GFRA2: variants seen among roughly 807,000 people sequenced by gnomAD.
The protein encoded by GFRA2 is GDNF family receptor alpha 2, also known as GDNF family receptor alpha-2.
A neutral mutation model predicts 48.3 loss-of-function variants in GFRA2; 17 were observed. The ratio of observed to expected loss-of-function variants is 0.35; its 90% CI spans 0.24 to 0.53. GFRA2 has a LOEUF of 0.53. GFRA2 is among the 20% of genes least tolerant of loss of function. The pLI is 0.93. For synonymous variants in GFRA2, 305 were observed against 257.2 expected, an observed-to-expected ratio of 1.19 and a Z score of -1.78; for missense variants, 660 against 637.3, an observed-to-expected ratio of 1.04 and a Z score of -0.38.
rs1431609166 is a variant in GFRA2, at chr8:21,784,725, C to T, written c.41-1826G>A. Among the ~76,000 whole-genome samples the T allele has an allele frequency of 2.4e-4, 37 of 152,330 alleles. No homozygotes were observed. The East Asian group carries it at 6.7e-3, about 28-fold the overall frequency. On this transcript the variant is annotated intron_variant, in intron 1 of 8. Transcript: ENST00000524240. ...CGTGCCCTTCTCCCACTGACCAGAC[C>T]TCTGCCACAGAACAGGAAGGCTGAT...
At chr8:21,799,837 C>T (rs1807741091) in intron 2 of GFRA2, among the ~76,000 whole-genome samples, 1 of 152,180 alleles carries the variant, frequency 6.6e-6, no homozygotes, top group Admixed American at 6.5e-5. Flanking sequence ...AACAAGAAGC[C>T]TGTGTCCTCT....
At chr8:21,765,502 C>T (rs1416792965) in intron 3 of GFRA2, among the ~76,000 whole-genome samples, 1 of 151,980 alleles carries the variant, frequency 6.6e-6, no homozygotes, top group Non-Finnish European at 1.5e-5. Context: ...GTCTCAGCTG[C>T]CTTTGCTAGC....
intron 6 of GFRA2, 97 bp from the exon 7 acceptor site, chr8:21,703,074 C>T: frequency 1.3e-6 from 1 of 747,024 alleles, no homozygotes; most frequent in Non-Finnish European, 2.1e-6. Context: ...CACCCCCTTC[C>T]CTGGAATGGT....
chr8:21,783,083 G>A lies in GFRA2; in HGVS notation c.41-184C>T, dbSNP rs938327811. Reference sequence around the variant, plus strand: ...GAGAACTCAGGCATCATCCTCCCCTGGATGTAGGAGCAAGTTTTCTCCCTT... The same window carrying A: ...GAGAACTCAGGCATCATCCTCCCCTAGATGTAGGAGCAAGTTTTCTCCCTT... On this transcript the variant is annotated intron_variant, in intron 1 of 8. Coordinates refer to ENST00000524240, the MANE Select transcript of GFRA2 (RefSeq NM_001495.5). The A allele has an allele frequency of 1.1e-3, 769 of 709,604 alleles. 7 individuals carry two copies. The East Asian group carries it at 0.018, about 17-fold the overall frequency. 44.0% of individuals were successfully genotyped at this position (709,604 alleles called of 1,614,324 possible).
intron 4 of GFRA2, among the ~76,000 whole-genome samples, chr8:21,710,178 G>A (rs996229114): frequency 3.1e-4 from 47 of 152,186 alleles, no homozygotes; most frequent in Admixed American, 2.6e-4. Context: ...ATGTCTCTGG[G>A]GCTGTGTCCC....
At chr8:21,793,655 A>G (rs1230330652), upstream of GFRA2, among the ~76,000 whole-genome samples, 1 of 152,144 alleles carries the variant, frequency 6.6e-6, no homozygotes, top group Non-Finnish European at 1.5e-5. Context: ...CAACTGCCCA[A>G]GGTCATATTT....
intron 4 of GFRA2, among the ~76,000 whole-genome samples, chr8:21,724,872 C>G (rs1428388793): frequency 6.6e-6 from 1 of 152,166 alleles, no homozygotes; most frequent in African/African-American, 2.4e-5. Context: ...TGGTGGAGGT[C>G]TCTCTGGGAC....
chr8:21,691,562 T>C lies in GFRA2; in HGVS notation c.*1716A>G, dbSNP rs1293034743. The C allele has an allele frequency of 2.6e-5, 4 of 152,326 alleles. No individual in the cohort carries two copies. Among genetic ancestry groups the C allele is most frequent in the East Asian group, 3.9e-4 (2 of 5,184 alleles). The allele number at this position is 152,326 out of a possible 1,614,324, so 9.4% of individuals were successfully genotyped here. On this transcript the variant is annotated 3_prime_UTR_variant, in exon 9 of 9. Transcript: ENST00000524240. ...AGGTCACTGCACTCACAATCACACA[T>C]CTCAAATAAGCCAGGAGTCCCAGAG...
At chr8:21,709,664 C>T (rs994463584) in intron 4 of GFRA2, among the ~76,000 whole-genome samples, 1 of 152,132 alleles carries the variant, frequency 6.6e-6, no homozygotes, top group Non-Finnish European at 1.5e-5. Flanking sequence ...ACACTGCCCA[C>T]CACAGCAGAC....
chr8:21,787,405 C>T (rs897063704), intron 1 of GFRA2, among the ~76,000 whole-genome samples: 25 of 152,214 alleles, frequency 1.6e-4, no homozygotes, highest in Non-Finnish European at 2.8e-4. Flanking sequence ...CACGGGGGTC[C>T]GCGGCCCCCA....
Position 21,693,009 on chromosome 8 carries a change from T to C in GFRA2, c.*269A>G, listed in dbSNP as rs548831465. 1.2e-4 allele frequency: 34 copies of C among 289,578 alleles called. 1 individual carries two copies. In the East Asian group the frequency reaches 2.6e-3, roughly 22 times the overall value. The allele number at this position is 289,578 out of a possible 1,614,324, so 17.9% of individuals were successfully genotyped here. A position where few individuals can be genotyped will look rare whatever the true frequency, so the allele number is the denominator to read the frequency against. On this transcript the variant is annotated 3_prime_UTR_variant, in exon 9 of 9. Transcript: ENST00000524240. Reference sequence around the variant, plus strand: ...AAACACCAGGAGAAAGTGAAGGGCATTTCTAGAGCCTCGTGCCCTCCCCGG... The same window carrying C: ...AAACACCAGGAGAAAGTGAAGGGCACTTCTAGAGCCTCGTGCCCTCCCCGG...
chr8:21,724,153 C>G (rs1803740612), intron 4 of GFRA2, among the ~76,000 whole-genome samples: 1 of 152,120 alleles, frequency 6.6e-6, no homozygotes, highest in South Asian at 2.1e-4. Flanking sequence ...AGGGAACAAT[C>G]CTCCACTTCC....
chr8:21,799,300 C>G (rs971035940), intron 2 of GFRA2, among the ~76,000 whole-genome samples: 1 of 151,560 alleles, frequency 6.6e-6, no homozygotes, highest in East Asian at 1.9e-4. Flanking sequence ...TCACTGTAAG[C>G]TCCGCCTCCT....
intron 2 of GFRA2, among the ~76,000 whole-genome samples, chr8:21,802,298 C>A (rs984825726): frequency 6.6e-6 from 1 of 152,186 alleles, no homozygotes; most frequent in East Asian, 1.9e-4. Context: ...ACTCCACCAG[C>A]CTTAAAGCAC....
intron 5 of GFRA2, 69 bp downstream of exon 5, chr8:21,705,863 G>T: frequency 9.4e-7 from 1 of 1,058,278 alleles, no homozygotes; most frequent in Non-Finnish European, 1.4e-6. Context: ...GAGCTGGGCT[G>T]CGGCCCCTGC....
intron 4 of GFRA2, among the ~76,000 whole-genome samples, chr8:21,708,835 C>T (rs531705829): frequency 6.6e-6 from 1 of 152,352 alleles, no homozygotes; most frequent in African/African-American, 2.4e-5. Flanking sequence ...GCCCTGCCAA[C>T]ACCTTGATTT....
At chr8:21,758,946 G>A (rs73669547) in intron 3 of GFRA2, among the ~76,000 whole-genome samples, 41 of 152,214 alleles carry the variant, frequency 2.7e-4, no homozygotes, top group South Asian at 1.7e-3. Context: ...GAGCAGAACC[G>A]GAGTCCCTGC....
upstream of GFRA2, chr8:21,789,939 C>T (rs959096240): frequency 2.6e-6 from 1 of 379,996 alleles, no homozygotes; most frequent in Non-Finnish European, 3.6e-6. Flanking sequence ...GCCGGGGCTC[C>T]GCAGCCGGCT....
intron 4 of GFRA2, among the ~76,000 whole-genome samples, chr8:21,733,681 C>A (rs1804310257): frequency 6.6e-6 from 1 of 152,328 alleles, no homozygotes; most frequent in Non-Finnish European, 1.5e-5. Flanking sequence ...TAGCTATCTA[C>A]AGTATTGTTT....
Sources: gnomAD v4.1 joint callset for allele counts (sites outside exome capture counted in the v4.1 genomes callset) on GRCh38, gnomAD v4.1.1 for gene constraint, MANE v1.5 for transcripts, NCBI Gene and HGNC (gene_info 2026-07-23, HGNC 2026-07-21) for gene names.